The following LY6S variants were observed in gnomAD, a reference collection of about 807,000 sequenced individuals.
The protein encoded by LY6S is lymphocyte antigen 6 family member S.
At chr8:143,073,529 C>A in the LY6S span, among the ~76,000 whole-genome samples, 1 of 148,770 alleles carries the variant, frequency 6.7e-6, no homozygotes, top group Non-Finnish European at 1.5e-5. Flanking sequence ...AGACAGCCAT[C>A]GTCCTCGGGG....
chr8:143,044,683 C>G, the LY6S span: 1 of 1,367,372 alleles, frequency 7.3e-7, no homozygotes. Flanking sequence ...CAGGGACTCA[C>G]TGCCAAAGAC....
chr8:143,073,365 CG>C, the LY6S span, among the ~76,000 whole-genome samples: 1 of 108,162 alleles, frequency 9.2e-6, no homozygotes, highest in Non-Finnish European at 1.8e-5. Flanking sequence ...CCGTCATCCC[CG>C]GGGCTCCTGT....
the LY6S span, chr8:143,042,658 T>C: frequency 3.9e-6 from 1 of 257,592 alleles, no homozygotes; most frequent in Non-Finnish European, 7.7e-6. Flanking sequence ...GAGGCCCTCA[T>C]CCTGTGTGGG....
At chr8:143,069,671 T>G in the LY6S span, among the ~76,000 whole-genome samples, 1 of 152,222 alleles carries the variant, frequency 6.6e-6, no homozygotes, top group Non-Finnish European at 1.5e-5. Flanking sequence ...AGCTTTCCAT[T>G]TGTGAACCTT....
the LY6S span, among the ~76,000 whole-genome samples, chr8:143,059,129 T>C: frequency 6.6e-6 from 1 of 152,234 alleles, no homozygotes; most frequent in East Asian, 1.9e-4. Context: ...CTGGGTGGCT[T>C]GCCGCCCACA....
At chr8:143,060,375 T>C in the LY6S span, among the ~76,000 whole-genome samples, 1 of 152,250 alleles carries the variant, frequency 6.6e-6, no homozygotes, top group Admixed American at 6.5e-5. Flanking sequence ...ACGCTCCTGA[T>C]CCACTTTCAT....
At chr8:143,045,961 C>G in the LY6S span, among the ~76,000 whole-genome samples, 1 of 152,020 alleles carries the variant, frequency 6.6e-6, no homozygotes, top group South Asian at 2.1e-4. The surrounding 1 kb of genome is among the most constrained non-coding windows in gnomAD (Gnocchi z 5.3). Context: ...TCAAGCAATT[C>G]TCCTGCCTCA....
At chr8:143,074,954 A>G in the LY6S span, among the ~76,000 whole-genome samples, 1 of 152,198 alleles carries the variant, frequency 6.6e-6, no homozygotes, top group Non-Finnish European at 1.5e-5. Flanking sequence ...AATGCATTTG[A>G]AAGAAATGAT....
the LY6S span, among the ~76,000 whole-genome samples, chr8:143,074,896 G>A: frequency 6.6e-6 from 1 of 152,100 alleles, no homozygotes; most frequent in Admixed American, 6.5e-5. Flanking sequence ...GCGAGAAAGG[G>A]GCCCCCCAAG....
chr8:143,060,502 CCTCT>C, the LY6S span, among the ~76,000 whole-genome samples: 1 of 152,080 alleles, frequency 6.6e-6, no homozygotes, highest in Non-Finnish European at 1.5e-5. Flanking sequence ...TAAGCTGTCC[CCTCT>C]CTCTCTCCGC....
chr8:143,058,359 C>T, the LY6S span, among the ~76,000 whole-genome samples: 1,866 of 152,294 alleles, frequency 0.012, 30 homozygotes, highest in East Asian at 0.066. Context: ...TGAGCCATCT[C>T]CAATGATAGG....
chr8:143,073,501 C>T, the LY6S span, among the ~76,000 whole-genome samples: 1 of 135,142 alleles, frequency 7.4e-6, no homozygotes, highest in Non-Finnish European at 1.6e-5. Flanking sequence ...CCGTCGTCCC[C>T]GGGGCTCCTG....
At chr8:143,066,826 T>A in the LY6S span, among the ~76,000 whole-genome samples, 1 of 152,190 alleles carries the variant, frequency 6.6e-6, no homozygotes, top group Non-Finnish European at 1.5e-5. Context: ...TTTGGGGAAC[T>A]ACTGAGAAGG....
the LY6S span, chr8:143,043,003 T>C: frequency 1.5e-6 from 2 of 1,367,744 alleles, no homozygotes; most frequent in South Asian, 1.1e-5. Flanking sequence ...CCTGATCTCA[T>C]GGCTGAAAAG....
the LY6S span, among the ~76,000 whole-genome samples, chr8:143,072,915 G>A: frequency 2.8e-5 from 3 of 107,566 alleles, no homozygotes; most frequent in African/African-American, 3.2e-5. Flanking sequence ...GGAGACAGCC[G>A]TCATCCCCGG....
At chr8:143,044,344 C>A in the LY6S span, 1 of 420,342 alleles carries the variant, frequency 2.4e-6, no homozygotes. Flanking sequence ...GTGGGCCCTG[C>A]TGCTGGGCAC....
chr8:143,057,247 A>C, the LY6S span: 1 of 202,846 alleles, frequency 4.9e-6, no homozygotes, highest in Non-Finnish European at 9.5e-6. Flanking sequence ...TACTATTATT[A>C]TTATTTTTAT....
the LY6S span, chr8:143,057,754 A>T: frequency 1.3e-6 from 1 of 786,574 alleles, no homozygotes; most frequent in Non-Finnish European, 2.3e-6. Flanking sequence ...TGTCGATCTG[A>T]TCAGCTCTAT....
At chr8:143,058,385 T>C in the LY6S span, among the ~76,000 whole-genome samples, 35,113 of 152,110 alleles carry the variant, frequency 0.23, 5,736 homozygotes, top group African/African-American at 0.45. Context: ...TCACGTGGGT[T>C]GCGTGTCCAC....
Sources: allele counts gnomAD v4.1 joint callset (sites outside exome capture counted in the v4.1 genomes callset), GRCh38; gene constraint gnomAD v4.1.1; non-coding constraint Gnocchi (gnomAD v3.1); transcripts MANE v1.5; gene names NCBI Gene and HGNC (gene_info 2026-07-23, HGNC 2026-07-21).